The following ACTR3 variants were observed in gnomAD, a reference collection of about 807,000 sequenced individuals.
ACTR3 encodes the protein actin-related protein 3.
A neutral mutation model predicts 56.8 loss-of-function variants in ACTR3; 12 were observed. The ratio of observed to expected loss-of-function variants is 0.21; its 90% CI spans 0.14 to 0.34. ACTR3 has a LOEUF of 0.34. Among genes scored for constraint, ACTR3 ranks in the 10% least tolerant of loss-of-function variants. ACTR3 has a pLI of 1.00. For missense variants in ACTR3, 282 were observed against 512.5 expected (o/e 0.55, Z 4.34); for synonymous variants, 162 against 167.4 (o/e 0.97, Z 0.25).
chr2:113,899,311 T>G (rs538081509), intron 1 of ACTR3, among the ~76,000 whole-genome samples: 81 of 152,340 alleles, frequency 5.3e-4, no homozygotes, highest in African/African-American at 1.8e-3. Flanking sequence ...GATGCATTAC[T>G]TACTGTAATT....
intron 2 of ACTR3, 93 bp downstream of exon 2, chr2:113,913,320 A>G (rs1485344461): frequency 6.2e-6 from 6 of 963,698 alleles, no homozygotes; most frequent in Non-Finnish European, 9.1e-6. Flanking sequence ...CTGAAATCCT[A>G]AAAGATTTAG....
intron 3 of ACTR3, among the ~76,000 whole-genome samples, chr2:113,922,933 C>T (rs182226318): frequency 1.8e-4 from 28 of 152,142 alleles, no homozygotes; most frequent in Admixed American, 1.6e-3. Flanking sequence ...TGCATTTCAG[C>T]GATTGAGAGG....
intron 8 of ACTR3, among the ~76,000 whole-genome samples, chr2:113,947,469 T>G (rs903454299): frequency 6.6e-6 from 1 of 152,112 alleles, no homozygotes; most frequent in Non-Finnish European, 1.5e-5. Context: ...TTGGGCAACA[T>G]GGGAAGAGCC....
chr2:113,936,055 G>T (rs1679819064), intron 6 of ACTR3, among the ~76,000 whole-genome samples: 1 of 152,168 alleles, frequency 6.6e-6, no homozygotes. Context: ...CACTTTGGGA[G>T]GCCAAGGTGG....
chr2:113,917,118 T>C (rs999821778), intron 3 of ACTR3, 110 bp downstream of exon 3: 6 of 917,880 alleles, frequency 6.5e-6, no homozygotes, highest in Admixed American at 4.2e-5. Context: ...CTCAAACCTC[T>C]TCTCAGTAGA....
rs1398768064 is a variant in ACTR3, at chr2:113,901,109, G to A, written c.44+10786G>A. Among the ~76,000 whole-genome samples, 3 of 152,072 alleles carry A rather than the reference G, an allele frequency of 2.0e-5. No homozygotes were observed. In the East Asian group the frequency reaches 5.8e-4, roughly 29 times the overall value. ...CCGAGGCCGCAGATCACCTGAGGTC[G>A]GGAGTTTGAGACCAGCCTGACCAAC... is the stretch of plus-strand genomic sequence containing the variant. On this transcript the variant is annotated intron_variant, in intron 1 of 11. Coordinates refer to ENST00000263238, the MANE Select transcript of ACTR3 (RefSeq NM_005721.5).
At position 113,940,033 on chromosome 2, in the gene ACTR3, G is replaced by A; in HGVS notation, c.615G>A (p.Gln205=). 1 of 1,613,178 alleles carries A rather than the reference G, an allele frequency of 6.2e-7. No individual in the cohort carries two copies. Among genetic ancestry groups the A allele is most frequent in the Non-Finnish European group, 8.5e-7 (1 of 1,179,506 alleles). ...IAGRDITYFI[Q]QLLRDREVGI... ...GACGAGATATAACATATTTTATTCA[G>A]CAACTGCTGAGAGACCGAGAAGTAG... Residue 205 remains glutamine, a synonymous_variant, in exon 7 of 12, where the codon CAG becomes CAA. Coordinates refer to ENST00000263238, the MANE Select transcript of ACTR3 (RefSeq NM_005721.5).
At chr2:113,923,318 A>ATTTGTTTGTTTG (rs139721258) in intron 3 of ACTR3, among the ~76,000 whole-genome samples, 2 of 54,644 alleles carry the variant, frequency 3.7e-5, no homozygotes, top group African/African-American at 7.4e-5. Flanking sequence ...AACATGGAAT[A>ATTTGTTTGTTTG]TTTGTTTGTT....
At chr2:113,942,402 A>G in intron 8 of ACTR3, 43 bp downstream of exon 8, 1 of 1,308,328 alleles carries the variant, frequency 7.6e-7, no homozygotes, top group South Asian at 1.8e-5. Context: ...TTCAGCAGCA[A>G]ATATGAATTA....
chr2:113,890,525 G>T, intron 1 of ACTR3: 2 of 1,360,182 alleles, frequency 1.5e-6, no homozygotes, highest in East Asian at 2.9e-5. Context: ...CTGGGGCGGG[G>T]GCGCGGGCCC....
intron 8 of ACTR3, among the ~76,000 whole-genome samples, chr2:113,948,814 G>GT (rs906979078): frequency 6.6e-6 from 1 of 151,782 alleles, no homozygotes; most frequent in African/African-American, 2.4e-5. Context: ...TTATTCATCA[G>GT]TTTAATTTTC....
At chr2:113,913,075 C>T (rs1288710804) in intron 1 of ACTR3, 97 bp from the exon 2 acceptor site, 5 of 761,092 alleles carry the variant, frequency 6.6e-6, no homozygotes, top group South Asian at 3.7e-5. Flanking sequence ...TATTTACCTA[C>T]GATGGAATCT....
At chr2:113,952,179 T>C (rs1680133530) in intron 10 of ACTR3, 2 of 199,496 alleles carry the variant, frequency 1.0e-5, no homozygotes, top group South Asian at 1.9e-4. Context: ...TTTTATACTA[T>C]AGAAGGACAG....
chr2:113,927,321 G>T, intron 3 of ACTR3, 24 bp from the exon 4 acceptor site: 1 of 1,431,582 alleles, frequency 7.0e-7, no homozygotes, highest in Non-Finnish European at 9.5e-7. Context: ...GATTTAATTT[G>T]TATTTCCCTT....
At chr2:113,890,468 G>T (rs1033261549) in intron 1 of ACTR3, 145 bp downstream of exon 1, 1 of 1,278,738 alleles carries the variant, frequency 7.8e-7, no homozygotes, top group Non-Finnish European at 1.0e-6. Flanking sequence ...GAGGGGTGGG[G>T]CCCGCAGCCA....
At chr2:113,929,136 TTTTTGTTTTTG>T (rs1412591415) in intron 4 of ACTR3, among the ~76,000 whole-genome samples, 1 of 151,790 alleles carries the variant, frequency 6.6e-6, no homozygotes, top group African/African-American at 2.4e-5. Flanking sequence ...TTTTGTTTTT[TTTTTGTTTTTG>T]TTTTTGTTTT....
At chr2:113,948,713 C>T (rs2104625996) in intron 8 of ACTR3, among the ~76,000 whole-genome samples, 1 of 152,204 alleles carries the variant, frequency 6.6e-6, no homozygotes, top group South Asian at 2.1e-4. Flanking sequence ...AAACTGTTTG[C>T]TTAGTGCTAA....
At chr2:113,912,519 A>G (rs1156758343) in intron 1 of ACTR3, among the ~76,000 whole-genome samples, 3 of 152,188 alleles carry the variant, frequency 2.0e-5, no homozygotes, top group African/African-American at 7.2e-5. Context: ...AATAGTAATT[A>G]ATTTGAATGG....
Position 113,959,149 on chromosome 2 carries a change from C to T in ACTR3, c.*1694C>T, listed in dbSNP as rs35899151. The T allele has an allele frequency of 6.6e-6, 1 of 151,924 alleles. No homozygotes were observed. The highest frequency in any genetic ancestry group is 1.5e-5 in the Non-Finnish European group (1 of 67,872). 9.4% of individuals were successfully genotyped at this position (151,924 alleles called of 1,614,324 possible). ...GATTAGCAAAAGTAAGTTTTTTTCC[C>T]TAGCCTGTCTCATTTTTCCATCATT... On this transcript the variant is annotated 3_prime_UTR_variant, in exon 12 of 12. Coordinates refer to ENST00000263238, the MANE Select transcript of ACTR3 (RefSeq NM_005721.5).
Sources: allele counts gnomAD v4.1 joint callset (sites outside exome capture counted in the v4.1 genomes callset), GRCh38; gene constraint gnomAD v4.1.1; transcripts MANE v1.5; gene names NCBI Gene and HGNC (gene_info 2026-07-23, HGNC 2026-07-21).